PRKRIP1: variants seen among roughly 807,000 people sequenced by gnomAD.
PRKRIP1 encodes the protein PRKR interacting protein 1, also known as PRKR-interacting protein 1.
PRKRIP1 carries 29 observed loss-of-function variants against 29.3 expected under a neutral mutation model. That is an observed-to-expected ratio of 0.99 (90% CI 0.74 to 1.35). PRKRIP1 has a LOEUF of 1.35. PRKRIP1 is among the 40% of genes most tolerant of loss of function. The pLI is 0.00. For synonymous variants in PRKRIP1, 90 were observed against 85.1 expected (o/e 1.06, Z -0.32); for missense variants, 247 against 236.8 (o/e 1.04, Z -0.28).
At position 102,397,872 on chromosome 7, in the gene PRKRIP1, C is replaced by T. The variant is rs1056581444; in HGVS notation, c.205+174C>T. On this transcript the variant is annotated intron_variant, in intron 2 of 5. Coordinates refer to ENST00000397912, the MANE Select transcript of PRKRIP1 (RefSeq NM_024653.4). ...CATCCTGGCTAACACGGTGAAACCC[C>T]GTCTCTACTAAAAATACAAAAAAAA... Among the ~76,000 whole-genome samples the T allele has an allele frequency of 5.3e-5, 8 of 151,980 alleles. No individual in the cohort carries two copies. In the South Asian group the frequency reaches 1.7e-3, roughly 32 times the overall value.
rs576596961 is a variant in PRKRIP1, at chr7:102,404,550, A to G, written c.307-48A>G. 23 of 1,517,696 alleles carry G rather than the reference A, an allele frequency of 1.5e-5. No individual in the cohort carries two copies. In the South Asian group the frequency reaches 2.1e-4, roughly 14 times the overall value. 94.0% of individuals were successfully genotyped at this position (1,517,696 alleles called of 1,614,324 possible). On this transcript the variant is annotated intron_variant, in intron 3 of 5. Transcript: ENST00000397912. Reference sequence around the variant, plus strand: ...ACTTTGCCTGAGCAAAACCTCCCACAGTCTGCCCAGACCAGAGCGTGTCTA... The same window carrying G: ...ACTTTGCCTGAGCAAAACCTCCCACGGTCTGCCCAGACCAGAGCGTGTCTA...
rs1167101296 is a variant in PRKRIP1 at position 102,426,284 on chromosome 7, G to A, written c.*1173G>A. 1 of 152,420 alleles carries A rather than the reference G, an allele frequency of 6.6e-6. No individual in the cohort carries two copies. The highest frequency in any genetic ancestry group is 6.5e-5 in the Admixed American group (1 of 15,276). 9.4% of individuals were successfully genotyped at this position (152,420 alleles called of 1,614,324 possible). On this transcript the variant is annotated 3_prime_UTR_variant, in exon 6 of 6. Transcript: ENST00000397912. The stretch of plus-strand genomic sequence containing the variant: ...ACACAGAGGACGGGGCACTGTGCTG[G>A]GAGCCAGGGGGCCTGGGAGGAGCCG...
At chr7:102,408,900 G>C (rs1279667798) in intron 5 of PRKRIP1, among the ~76,000 whole-genome samples, 1 of 152,104 alleles carries the variant, frequency 6.6e-6, no homozygotes, top group Non-Finnish European at 1.5e-5. Context: ...CAGGCCAGGC[G>C]TGGTGGCTCA....
intron 3 of PRKRIP1, among the ~76,000 whole-genome samples, chr7:102,403,751 C>G (rs1796133220): frequency 6.6e-6 from 1 of 152,178 alleles, no homozygotes; most frequent in Non-Finnish European, 1.5e-5. Context: ...GATGAGTAGA[C>G]TGAGGCTTGG....
Position 102,426,301 on chromosome 7 carries a change from G to A in PRKRIP1, c.*1190G>A, listed in dbSNP as rs1796830565. On this transcript the variant is annotated 3_prime_UTR_variant, in exon 6 of 6. Coordinates refer to ENST00000397912, the MANE Select transcript of PRKRIP1 (RefSeq NM_024653.4). Reference sequence around the variant, plus strand: ...CTGTGCTGGGAGCCAGGGGGCCTGGGAGGAGCCGAGACCAGCCTTTTACCT... The same window carrying A: ...CTGTGCTGGGAGCCAGGGGGCCTGGAAGGAGCCGAGACCAGCCTTTTACCT... 6.6e-6 allele frequency: 1 copy of A among 152,464 alleles called. No individual in the cohort carries two copies. Among genetic ancestry groups the A allele is most frequent in the African/African-American group, 2.4e-5 (1 of 41,472 alleles). The allele number at this position is 152,464 out of a possible 1,614,324, so 9.4% of individuals were successfully genotyped here.
chr7:102,401,904 A>G (rs920675938), intron 3 of PRKRIP1, among the ~76,000 whole-genome samples: 3 of 152,156 alleles, frequency 2.0e-5, no homozygotes, highest in African/African-American at 7.2e-5. Flanking sequence ...CTCCTTCTGA[A>G]AAAAGAAGAA....
chr7:102,411,833 T>G lies in PRKRIP1; in HGVS notation c.457+4335T>G, dbSNP rs143024203. On this transcript the variant is annotated intron_variant, in intron 5 of 5. Coordinates refer to ENST00000397912, the MANE Select transcript of PRKRIP1 (RefSeq NM_024653.4). ...TTTTTTTTTTGTTTGTTTGTTTTGT[T>G]TTTAGGTAACTATCCTAATGGGTGT... is the stretch of plus-strand genomic sequence containing the variant. Among the ~76,000 whole-genome samples the G allele has an allele frequency of 3.5e-3, 533 of 152,326 alleles. 4 individuals are homozygous for G. The highest frequency in any genetic ancestry group is 0.012 in the African/African-American group (501 of 41,568).
At chr7:102,411,587 A>G (rs1005994610) in intron 5 of PRKRIP1, among the ~76,000 whole-genome samples, 5 of 151,052 alleles carry the variant, frequency 3.3e-5, no homozygotes, top group Admixed American at 6.6e-5. Context: ...GTTTCACTAT[A>G]TTGGCCAGGT....
intron 4 of PRKRIP1, 107 bp downstream of exon 4, chr7:102,404,790 A>G: frequency 1.3e-6 from 1 of 752,030 alleles, no homozygotes; most frequent in African/African-American, 1.7e-5. Flanking sequence ...TGTAGGGGTC[A>G]TGAATGTAGA....
chr7:102,402,160 A>G (rs2133168603), intron 3 of PRKRIP1, among the ~76,000 whole-genome samples: 1 of 152,230 alleles, frequency 6.6e-6, no homozygotes. Flanking sequence ...AGAAACCATC[A>G]AGCTGGGTGC....
In PRKRIP1 at chr7:102,426,066, C is replaced by CG. The variant is rs1554574412; in HGVS notation, c.*955_*956insG. On this transcript the variant is annotated 3_prime_UTR_variant, in exon 6 of 6. Transcript: ENST00000397912. Reference sequence around the variant, plus strand: ...GCTGTGTCCTCATGTGGCGCAGCCTCAAACTGGCATCCAGGCACTGGGCCC... The same window carrying CG: ...GCTGTGTCCTCATGTGGCGCAGCCTCGAAACTGGCATCCAGGCACTGGGCCC... The CG allele has an allele frequency of 6.5e-6, 1 of 152,932 alleles. No homozygotes were observed. Among genetic ancestry groups the CG allele is most frequent in the Non-Finnish European group, 1.5e-5 (1 of 68,230 alleles). 9.5% of individuals were successfully genotyped at this position (152,932 alleles called of 1,614,324 possible). A position where few individuals can be genotyped will look rare whatever the true frequency, so the allele number is the denominator to read the frequency against.
In PRKRIP1 at chr7:102,425,346, A is replaced by G; in HGVS notation, c.*235A>G. 2.8e-6 allele frequency: 2 copies of G among 725,490 alleles called. No homozygotes were observed. Among genetic ancestry groups the G allele is most frequent in the Non-Finnish European group, 4.4e-6 (2 of 456,956 alleles). 44.9% of individuals were successfully genotyped at this position (725,490 alleles called of 1,614,324 possible). ...CAGACACCATCCGTGCTCCTGGTAA[A>G]GGGGGACAGAGAGCCTCACCTTGCC... On this transcript the variant is annotated 3_prime_UTR_variant, in exon 6 of 6. Coordinates refer to ENST00000397912, the MANE Select transcript of PRKRIP1 (RefSeq NM_024653.4).
intron 5 of PRKRIP1, among the ~76,000 whole-genome samples, chr7:102,416,838 C>T (rs1796562925): frequency 6.6e-6 from 1 of 151,964 alleles, no homozygotes; most frequent in Admixed American, 6.6e-5. Context: ...CACCTCCACA[C>T]CCTGCTAATT....
At chr7:102,400,122 T>C (rs782072238) in intron 3 of PRKRIP1, among the ~76,000 whole-genome samples, 8 of 151,574 alleles carry the variant, frequency 5.3e-5, no homozygotes, top group Non-Finnish European at 1.2e-4. Flanking sequence ...GAGTCTCTAC[T>C]AAAAATACAA....
In PRKRIP1 at chr7:102,414,275, C is replaced by T. The variant is rs533950299; in HGVS notation, c.457+6777C>T. Among the ~76,000 whole-genome samples, 67 of 151,950 alleles carry T rather than the reference C, an allele frequency of 4.4e-4. 2 individuals carry two copies. The South Asian group carries it at 0.011, about 25-fold the overall frequency. On this transcript the variant is annotated intron_variant, in intron 5 of 5. Coordinates refer to ENST00000397912, the MANE Select transcript of PRKRIP1 (RefSeq NM_024653.4). The stretch of plus-strand genomic sequence containing the variant: ...TGGGGGAAGGAAATTATGGAGAAAG[C>T]TCAAATATCATTTCCTGAATTGATC...
chr7:102,400,955 A>G (rs1674636437), intron 3 of PRKRIP1, among the ~76,000 whole-genome samples: 1 of 152,176 alleles, frequency 6.6e-6, no homozygotes, highest in South Asian at 2.1e-4. Flanking sequence ...TTTAAAAGGA[A>G]GAAGAAAAGC....
intron 5 of PRKRIP1, among the ~76,000 whole-genome samples, chr7:102,407,854 A>C (rs1333407146): frequency 6.6e-6 from 1 of 152,108 alleles, no homozygotes; most frequent in Non-Finnish European, 1.5e-5. Flanking sequence ...TCGGGGCTAC[A>C]TCCCTCCTCG....
intron 5 of PRKRIP1, among the ~76,000 whole-genome samples, chr7:102,411,285 A>G: frequency 6.6e-6 from 1 of 152,136 alleles, no homozygotes; most frequent in Non-Finnish European, 1.5e-5. Flanking sequence ...TCTTAAGCTC[A>G]AGTGACCCTC....
At chr7:102,403,559 C>T (rs549718077) in intron 3 of PRKRIP1, among the ~76,000 whole-genome samples, 2 of 152,284 alleles carry the variant, frequency 1.3e-5, no homozygotes, top group South Asian at 4.1e-4. Flanking sequence ...TGCAGTGGCG[C>T]AATTTCCGGT....
Sources: gnomAD v4.1 joint callset for allele counts (sites outside exome capture counted in the v4.1 genomes callset) on GRCh38, gnomAD v4.1.1 for gene constraint, MANE v1.5 for transcripts, NCBI Gene and HGNC (gene_info 2026-07-23, HGNC 2026-07-21) for gene names.